ZDHHC11: variants seen among roughly 807,000 people sequenced by gnomAD.
The protein encoded by ZDHHC11 is zDHHC palmitoyltransferase 11, also known as palmitoyltransferase ZDHHC11.
A neutral mutation model predicts 51.3 loss-of-function variants in ZDHHC11; 44 were observed. That is an observed-to-expected ratio of 0.86 (90% CI 0.67 to 1.10). The LOEUF (loss-of-function observed/expected upper bound fraction) is 1.10. Ranked by LOEUF, ZDHHC11 falls within the 50% of genes least tolerant of loss-of-function variation. The pLI is 0.00. For synonymous variants in ZDHHC11, 163 were observed against 222.0 expected, an observed-to-expected ratio of 0.73 and a Z score of 2.36; for missense variants, 400 against 537.7, an observed-to-expected ratio of 0.74 and a Z score of 2.53.
chr5:828,050 T>C (rs1430371845), intron 7 of ZDHHC11, among the ~76,000 whole-genome samples: 2 of 151,160 alleles, frequency 1.3e-5, no homozygotes, highest in African/African-American at 2.4e-5. Flanking sequence ...GAGCACAGGG[T>C]TGGGGGTAAG....
chr5:855,976 A>G (rs1748185143), upstream of ZDHHC11, among the ~76,000 whole-genome samples: 1 of 151,636 alleles, frequency 6.6e-6, no homozygotes, highest in Non-Finnish European at 1.5e-5. Flanking sequence ...AGGGGCACAG[A>G]CCCCGCGGAG....
intron 3 of ZDHHC11, among the ~76,000 whole-genome samples, chr5:845,863 G>A (rs116951854): frequency 0.095 from 13,981 of 147,680 alleles, 390 homozygotes; most frequent in East Asian, 0.16. Context: ...ACACCCAGGC[G>A]GTGTCTACAC....
In ZDHHC11 at chr5:813,649, G is replaced by A. The variant is rs1266925251; in HGVS notation, c.1181+1112C>T. 2.3e-4 allele frequency among the ~76,000 whole-genome samples: 34 copies of A among 150,334 alleles called. 2 individuals are homozygous for A. Among genetic ancestry groups the A allele is most frequent in the Non-Finnish European group, 2.8e-4 (19 of 67,542 alleles). On this transcript the variant is annotated intron_variant, in intron 11 of 12. Coordinates refer to ENST00000283441, the MANE Select transcript of ZDHHC11 (RefSeq NM_024786.3). ...CCCCCCTGAGCAGCATGACCTACTG[G>A]AATGGTGGCAGAGACCCCAGAGGTC...
At position 848,536 on chromosome 5, in the gene ZDHHC11, G is replaced by C; in HGVS notation, c.347C>G (p.Ser116Ter). Residue 116 changes from serine to a stop codon, truncating the protein, a stop_gained, in exon 2 of 13, where the codon TCA (serine) becomes TGA (stop). Coordinates refer to ENST00000283441, the MANE Select transcript of ZDHHC11 (RefSeq NM_024786.3). LOFTEE classifies it high-confidence loss of function. ...ATTCTGGATCACGTGTGCATGTTTTGATCTGTCGAAGAGGGGCATGGGCTG... is the reference window on the plus strand; with the variant it reads ...ATTCTGGATCACGTGTGCATGTTTTCATCTGTCGAAGAGGGGCATGGGCTG... Reference protein sequence around the residue: ...YSQPMPLFDRSKHAHVIQNQF... With the variant: ...YSQPMPLFDR 1 of 1,524,450 alleles carries C rather than the reference G, an allele frequency of 6.6e-7. No individual in the cohort carries two copies. The highest frequency in any genetic ancestry group is 1.2e-5 in the South Asian group (1 of 82,982). The allele number at this position is 1,524,450 out of a possible 1,614,324, so 94.4% of individuals were successfully genotyped here.
At chr5:843,075 C>A (rs1310957345) in intron 4 of ZDHHC11, among the ~76,000 whole-genome samples, 1 of 152,294 alleles carries the variant, frequency 6.6e-6, no homozygotes, top group African/African-American at 2.4e-5. Flanking sequence ...CTGGAGCCCA[C>A]AGTCCTCACC....
At chr5:837,567 T>C in intron 5 of ZDHHC11, 87 bp from the exon 6 acceptor site, 4 of 1,401,876 alleles carry the variant, frequency 2.9e-6, no homozygotes, top group South Asian at 2.3e-5. Flanking sequence ...GAGTGGCCAG[T>C]GCCACTGATC....
intron 7 of ZDHHC11, among the ~76,000 whole-genome samples, chr5:831,323 T>A (rs1743050400): frequency 1.3e-5 from 2 of 149,400 alleles, no homozygotes; most frequent in Admixed American, 1.4e-4. Flanking sequence ...GTGGCTCATG[T>A]CTGTAATCCC....
At chr5:803,194 T>G (rs1738738754) in intron 11 of ZDHHC11, among the ~76,000 whole-genome samples, 2 of 151,138 alleles carry the variant, frequency 1.3e-5, no homozygotes, top group Non-Finnish European at 3.0e-5. Context: ...CCTCAATAAA[T>G]TTGAGGTGGT....
intron 7 of ZDHHC11, among the ~76,000 whole-genome samples, chr5:829,789 AC>A (rs1742840427): frequency 6.6e-6 from 1 of 151,446 alleles, no homozygotes; most frequent in Non-Finnish European, 1.5e-5. Flanking sequence ...AGATAATAAC[AC>A]CATGGTCAAG....
intron 10 of ZDHHC11, 74 bp from the exon 11 acceptor site, chr5:814,869 C>G: frequency 1.4e-6 from 2 of 1,397,118 alleles, no homozygotes; most frequent in South Asian, 3.2e-5. Context: ...TCTTAAAATT[C>G]AAGTTCATTA....
intron 3 of ZDHHC11, among the ~76,000 whole-genome samples, chr5:845,231 G>C (rs1370268197): frequency 1.3e-5 from 2 of 152,306 alleles, no homozygotes; most frequent in African/African-American, 4.8e-5. Flanking sequence ...CCAAGCAGCA[G>C]CCCCTCCAGG....
chr5:809,082 A>G (rs1739743175), intron 11 of ZDHHC11, among the ~76,000 whole-genome samples: 1 of 148,262 alleles, frequency 6.7e-6, no homozygotes, highest in South Asian at 2.2e-4. Context: ...AATTTCAAAC[A>G]TAAACAGGAC....
intron 7 of ZDHHC11, among the ~76,000 whole-genome samples, chr5:833,146 C>T (rs1184648401): frequency 3.3e-5 from 5 of 152,266 alleles, no homozygotes; most frequent in Non-Finnish European, 7.3e-5. Context: ...AGAGCGACAG[C>T]GTTGAATGAA....
intron 11 of ZDHHC11, among the ~76,000 whole-genome samples, chr5:803,021 A>C (rs1738707562): frequency 1.3e-5 from 1 of 76,834 alleles, no homozygotes; most frequent in African/African-American, 7.5e-5. Context: ...ACTCTATCTC[A>C]AAAAAAAAAA....
rs574414796 is a variant in ZDHHC11, at chr5:848,592, G to T, written c.291C>A (p.Asp97Glu). 17 of 1,599,538 alleles carry T rather than the reference G, an allele frequency of 1.1e-5. No homozygotes were observed. The highest frequency in any genetic ancestry group is 1.4e-5 in the Non-Finnish European group (17 of 1,172,740). Residue 97 changes from aspartate (D) to glutamate (E), a missense_variant, in exon 2 of 13, where the codon GAC becomes GAA. Around this residue, in one of 5 missense-constraint regions of ZDHHC11, gnomAD observed 22 missense variants for 81.0 expected, o/e 0.27. Coordinates refer to ENST00000283441, the MANE Select transcript of ZDHHC11 (RefSeq NM_024786.3). ...AGTTCTTCATGAGTCTGACATTGGA[G>T]TCGGCCGGGTCGATGCAGGACGCGA... Reference protein sequence around the residue: ...HLIASCIDPADSNVRLMKNYS... With the variant: ...HLIASCIDPAESNVRLMKNYS...
intron 11 of ZDHHC11, among the ~76,000 whole-genome samples, chr5:812,530 T>C (rs1740235882): frequency 6.6e-6 from 1 of 151,470 alleles, no homozygotes; most frequent in African/African-American, 2.4e-5. Context: ...ATTAAAAGTG[T>C]TATTTGGATA....
chr5:845,149 G>A (rs1394072925), intron 3 of ZDHHC11, among the ~76,000 whole-genome samples: 3 of 152,298 alleles, frequency 2.0e-5, no homozygotes, highest in African/African-American at 7.2e-5. Context: ...GGGGTGACGG[G>A]TGGCTCCAGG....
chr5:855,344 CA>C (rs1458865792), upstream of ZDHHC11, among the ~76,000 whole-genome samples: 1 of 139,386 alleles, frequency 7.2e-6, no homozygotes, highest in Non-Finnish European at 1.6e-5. Flanking sequence ...GACAGCGAGT[CA>C]GGGGGCACAG....
chr5:849,460 A>G (rs1283035339), intron 1 of ZDHHC11, among the ~76,000 whole-genome samples: 2 of 152,116 alleles, frequency 1.3e-5, no homozygotes, highest in Non-Finnish European at 2.9e-5. Context: ...GAGAGAAGAC[A>G]GCCTCAGACA....
Sources: allele counts gnomAD v4.1 joint callset (sites outside exome capture counted in the v4.1 genomes callset), GRCh38; gene constraint gnomAD v4.1.1; regional missense constraint gnomAD v4.1.1; transcripts MANE v1.5; gene names NCBI Gene and HGNC (gene_info 2026-07-23, HGNC 2026-07-21).